Variants in DCHS2 observed in about 807,000 individuals in gnomAD.
DCHS2 encodes the protein dachsous cadherin-related 2.
DCHS2 carries 142 observed loss-of-function variants against 182.4 expected under a neutral mutation model. The observed-to-expected ratio is 0.78, with a 90% CI of 0.68 to 0.89. The LOEUF (loss-of-function observed/expected upper bound fraction) is 0.89, where lower values mean the gene tolerates loss of function less well. Among genes scored for constraint, DCHS2 ranks in the 40% least tolerant of loss-of-function variants. The pLI is 0.00. For missense variants in DCHS2, 4,319 were observed against 4,198.6 expected, an observed-to-expected ratio of 1.03 and a Z score of -0.79; for synonymous variants, 1,740 against 1,663.3, an observed-to-expected ratio of 1.05 and a Z score of -1.12.
rs774088091 is a variant in DCHS2 at position 154,332,473 on chromosome 4, G to C, written c.3730+5C>G. On this transcript the variant is annotated splice_donor_5th_base_variant and intron_variant, in intron 5 of 19. Transcript: ENST00000357232. ...AAGGAATAGGTGGAAACTATGAAGT[G>C]CTACCTGTATTAGGATTCATCTTGA... 1.9e-6 allele frequency: 3 copies of C among 1,603,300 alleles called. No individual in the cohort carries two copies. Among genetic ancestry groups the C allele is most frequent in the African/African-American group, 1.3e-5 (1 of 74,726 alleles).
At position 154,269,984 on chromosome 4, in the gene DCHS2, C is replaced by CA. The variant is rs1284139693; in HGVS notation, c.6492dup (p.Ala2165CysfsTer3). ...ATGCTGTCCTGAATTGAGTCAGGAGCAAAAGCTTTAACAGTCACAATAGAA... is the reference window on the plus strand; with the variant it reads ...ATGCTGTCCTGAATTGAGTCAGGAGCAAAAAGCTTTAACAGTCACAATAGAA... On this transcript the variant is annotated frameshift_variant, in exon 14 of 20. Coordinates refer to ENST00000357232, the MANE Select transcript of DCHS2 (RefSeq NM_001358235.2). LOFTEE classifies it high-confidence loss of function. 6.2e-7 allele frequency: 1 copy of CA among 1,611,018 alleles called. No homozygotes were observed. Among genetic ancestry groups the CA allele is most frequent in the East Asian group, 2.2e-5 (1 of 44,706 alleles).
chr4:154,328,641 C>A (rs1736390392), intron 6 of DCHS2, among the ~76,000 whole-genome samples: 1 of 152,102 alleles, frequency 6.6e-6, no homozygotes. Context: ...AGCTGTCCTG[C>A]AATGTTGAAA....
intron 19 of DCHS2, among the ~76,000 whole-genome samples, chr4:154,238,616 A>G (rs537187052): frequency 5.9e-5 from 9 of 152,368 alleles, no homozygotes; most frequent in African/African-American, 1.9e-4. Flanking sequence ...TCTGATAAAA[A>G]GACAAAAAGC....
intron 1 of DCHS2, among the ~76,000 whole-genome samples, chr4:154,434,208 A>T (rs1156347268): frequency 6.6e-6 from 1 of 152,142 alleles, no homozygotes; most frequent in African/African-American, 2.4e-5. Flanking sequence ...CTGAGGGGAG[A>T]TGATTGCTTG....
intron 1 of DCHS2, among the ~76,000 whole-genome samples, chr4:154,419,856 G>A (rs1397934728): frequency 1.3e-5 from 2 of 150,964 alleles, no homozygotes; most frequent in Non-Finnish European, 2.9e-5. Context: ...GAACGTATGA[G>A]TGGACAAGGA....
chr4:154,292,395 ATCTC>A (rs1387325354), intron 13 of DCHS2, among the ~76,000 whole-genome samples: 1 of 152,132 alleles, frequency 6.6e-6, no homozygotes, highest in African/African-American at 2.4e-5. Flanking sequence ...TTTAAAATAA[ATCTC>A]TATGGAATTA....
At position 154,490,415 on chromosome 4, in the gene DCHS2, T is replaced by C. The variant is rs954998594; in HGVS notation, c.941A>G (p.Glu314Gly). The change falls in exon 1 of 20, where the codon GAG becomes GGG. Residue 314 changes from glutamate (E) to glycine (G), a missense_variant. Transcript: ENST00000357232. ...AVREDAQPGAEVCRVRATDRD... is the reference protein window; with the variant it reads ...AVREDAQPGAGVCRVRATDRD... ...GTCGGTGGCGCGCACGCGACAGACC[T>C]CGGCGCCCGGCTGGGCGTCCTCGCG... 1 of 1,533,448 alleles carries C rather than the reference T, an allele frequency of 6.5e-7. No homozygotes were observed. The highest frequency in any genetic ancestry group is 8.7e-7 in the Non-Finnish European group (1 of 1,144,880). 95.0% of individuals were successfully genotyped at this position (1,533,448 alleles called of 1,614,324 possible). A position where few individuals can be genotyped will look rare whatever the true frequency, so the allele number is the denominator to read the frequency against.
chr4:154,300,635 A>G (rs1320352004), intron 12 of DCHS2, among the ~76,000 whole-genome samples: 2 of 151,794 alleles, frequency 1.3e-5, no homozygotes, highest in Non-Finnish European at 2.9e-5. Context: ...GGCTGCAGTG[A>G]GCTGTGATTG....
At position 154,304,819 on chromosome 4, in the gene DCHS2, C is replaced by A. The variant is rs1279522536; in HGVS notation, c.5455G>T (p.Val1819Phe). The A allele has an allele frequency of 6.2e-7, 1 of 1,613,846 alleles. No individual in the cohort carries two copies. Among genetic ancestry groups the A allele is most frequent in the Non-Finnish European group, 8.5e-7 (1 of 1,179,914 alleles). Residue 1819 changes from valine to phenylalanine, a missense_variant, in exon 12 of 20, where the codon GTT (valine) becomes TTT (phenylalanine). Coordinates refer to ENST00000357232, the MANE Select transcript of DCHS2 (RefSeq NM_001358235.2). ...GGTGCGTGATCGTTTTCATCTTCAA[C>A]AGTGCAGAGGATTGTTGTGGTGCTG... ...LSSTTTILCTVEDENDHAPEF... is the reference protein window; with the variant it reads ...LSSTTTILCTFEDENDHAPEF...
chr4:154,453,641 G>GT (rs1215494531), intron 1 of DCHS2, among the ~76,000 whole-genome samples: 1 of 152,072 alleles, frequency 6.6e-6, no homozygotes, highest in Non-Finnish European at 1.5e-5. Flanking sequence ...GCTCTATTCA[G>GT]TCTGAGTCTC....
intron 1 of DCHS2, among the ~76,000 whole-genome samples, chr4:154,400,530 A>G (rs1208663123): frequency 1.3e-5 from 2 of 152,166 alleles, no homozygotes; most frequent in Admixed American, 1.3e-4. Flanking sequence ...CTTGCAAATC[A>G]GAGTCCTCAT....
At chr4:154,314,921 G>A (rs914435797) in intron 10 of DCHS2, among the ~76,000 whole-genome samples, 2 of 152,104 alleles carry the variant, frequency 1.3e-5, no homozygotes, top group Non-Finnish European at 2.9e-5. Context: ...CATGTGCTGT[G>A]AATAAGAAAC....
intron 12 of DCHS2, among the ~76,000 whole-genome samples, chr4:154,304,422 A>G (rs1413753518): frequency 1.3e-5 from 2 of 152,126 alleles, no homozygotes; most frequent in African/African-American, 2.4e-5. Flanking sequence ...TGTATTTTGT[A>G]GAGAAAAGCA....
chr4:154,236,596 C>G lies in DCHS2; in HGVS notation c.8056G>C (p.Val2686Leu), dbSNP rs768821016. 2 of 1,613,988 alleles carry G rather than the reference C, an allele frequency of 1.2e-6. No individual in the cohort carries two copies. Among genetic ancestry groups the G allele is most frequent in the East Asian group, 4.5e-5 (2 of 44,860 alleles). Reference sequence around the variant, plus strand: ...GTGTCACGGTCATTTGCTGAGACCACAGTGATGTGACTCCCTAGAGGGGTG... The same window carrying G: ...GTGTCACGGTCATTTGCTGAGACCAGAGTGATGTGACTCCCTAGAGGGGTG... ...ESTPLGSHIT[V>L]VSANDRDTGS... Residue 2686 changes from valine (V) to leucine (L), a missense_variant, in exon 20 of 20, where the codon GTG becomes CTG. Coordinates refer to ENST00000357232, the MANE Select transcript of DCHS2 (RefSeq NM_001358235.2).
At chr4:154,484,272 A>T (rs1728500214) in intron 1 of DCHS2, among the ~76,000 whole-genome samples, 1 of 152,176 alleles carries the variant, frequency 6.6e-6, no homozygotes, top group Admixed American at 6.6e-5. Flanking sequence ...ATTACAAGAG[A>T]CTCAGAACTC....
At position 154,322,473 on chromosome 4, in the gene DCHS2, T is replaced by G; in HGVS notation, c.4034A>C (p.His1345Pro). The G allele has an allele frequency of 6.2e-7, 1 of 1,611,626 alleles. No individual in the cohort carries two copies. Among genetic ancestry groups the G allele is most frequent in the Non-Finnish European group, 8.5e-7 (1 of 1,179,080 alleles). Residue 1345 changes from histidine to proline, a missense_variant, in exon 8 of 20, where the codon CAC (histidine) becomes CCC (proline). Coordinates refer to ENST00000357232, the MANE Select transcript of DCHS2 (RefSeq NM_001358235.2). ...ACCATTGTTGGCGTCAATCTTAAAG[T>G]GATCAGAACTATCTTCTACACACAC... ...YSVSSEDSSD[H>P]FKIDANNGEI...
chr4:154,454,557 A>T (rs922766362), intron 1 of DCHS2, among the ~76,000 whole-genome samples: 16 of 152,206 alleles, frequency 1.1e-4, no homozygotes, highest in African/African-American at 3.6e-4. Context: ...CACTAAACAA[A>T]TATTAATTTT....
intron 1 of DCHS2, among the ~76,000 whole-genome samples, chr4:154,386,057 C>A (rs150447868): frequency 2.0e-5 from 3 of 152,172 alleles, no homozygotes; most frequent in Non-Finnish European, 2.9e-5. Context: ...CACTCCACCC[C>A]ACAGTCTGCT....
intron 16 of DCHS2, among the ~76,000 whole-genome samples, chr4:154,247,068 A>G (rs1732105688): frequency 4.6e-5 from 7 of 152,246 alleles, no homozygotes; most frequent in Admixed American, 4.6e-4. Context: ...AACACTGAAT[A>G]CACAGCACAA....
Sources: allele counts gnomAD v4.1 joint callset (sites outside exome capture counted in the v4.1 genomes callset), GRCh38; gene constraint gnomAD v4.1.1; transcripts MANE v1.5; gene names NCBI Gene and HGNC (gene_info 2026-07-23, HGNC 2026-07-21).